The following MEF2A variants were observed in gnomAD, a reference collection of about 807,000 sequenced individuals.
The protein encoded by MEF2A is myocyte-specific enhancer factor 2A.
MEF2A carries 28 observed loss-of-function variants against 55.8 expected under a neutral mutation model. The observed-to-expected ratio is 0.50, with a 90% CI of 0.37 to 0.69. The LOEUF is 0.69. Among genes scored for constraint, MEF2A ranks in the 30% least tolerant of loss-of-function variants. The pLI is 0.00. For missense variants in MEF2A, 528 were observed against 626.2 expected, an observed-to-expected ratio of 0.84 and a Z score of 1.67; for synonymous variants, 239 against 227.1, an observed-to-expected ratio of 1.05 and a Z score of -0.47.
intron 7 of MEF2A, among the ~76,000 whole-genome samples, chr15:99,685,686 C>G (rs1344116027): frequency 6.6e-6 from 1 of 152,118 alleles, no homozygotes; most frequent in African/African-American, 2.4e-5. Flanking sequence ...GGTGTATTAT[C>G]TTTTGATATG....
chr15:99,609,971 A>G (rs888217968), intron 2 of MEF2A, among the ~76,000 whole-genome samples: 6 of 152,228 alleles, frequency 3.9e-5, no homozygotes, highest in African/African-American at 1.4e-4. Flanking sequence ...ATCTTTTAGC[A>G]AAGTAGACAG....
chr15:99,578,379 G>A (rs753923158), intron 1 of MEF2A, among the ~76,000 whole-genome samples: 6 of 152,136 alleles, frequency 3.9e-5, no homozygotes, highest in South Asian at 2.1e-4. Flanking sequence ...AGCTCTGTCC[G>A]GTTGGTTCCT....
At chr15:99,699,903 A>G (rs1416907473) in intron 8 of MEF2A, among the ~76,000 whole-genome samples, 1 of 150,876 alleles carries the variant, frequency 6.6e-6, no homozygotes, top group African/African-American at 2.4e-5. Context: ...GGGGTCTAGA[A>G]TGAGCCTGTG....
chr15:99,642,729 G>A (rs189108579), intron 3 of MEF2A, among the ~76,000 whole-genome samples: 3 of 152,084 alleles, frequency 2.0e-5, no homozygotes, highest in African/African-American at 7.2e-5. Flanking sequence ...TTATTTCATG[G>A]GCTTCTGATA....
At chr15:99,604,271 T>G (rs1251533888) in intron 2 of MEF2A, among the ~76,000 whole-genome samples, 2 of 152,192 alleles carry the variant, frequency 1.3e-5, no homozygotes, top group Admixed American at 6.5e-5. Context: ...TTGTTTCCCC[T>G]GTAATTTTAG....
At chr15:99,701,246 A>G (rs1033608905) in intron 8 of MEF2A, among the ~76,000 whole-genome samples, 3 of 152,242 alleles carry the variant, frequency 2.0e-5, no homozygotes, top group Non-Finnish European at 4.4e-5. Flanking sequence ...GTGCCTTCCA[A>G]TATGACATGC....
chr15:99,647,402 T>C (rs2046137845), intron 4 of MEF2A, among the ~76,000 whole-genome samples: 1 of 152,204 alleles, frequency 6.6e-6, no homozygotes, highest in Non-Finnish European at 1.5e-5. Flanking sequence ...GTATTCTAGC[T>C]AATTTCATTA....
intron 1 of MEF2A, among the ~76,000 whole-genome samples, chr15:99,573,179 G>T (rs1157089552): frequency 1.3e-5 from 2 of 151,680 alleles, no homozygotes; most frequent in Admixed American, 6.6e-5. Flanking sequence ...TCCCAGCTAT[G>T]CGGGAGGCTG....
At chr15:99,595,898 G>T (rs994649444) in intron 1 of MEF2A, among the ~76,000 whole-genome samples, 1 of 152,138 alleles carries the variant, frequency 6.6e-6, no homozygotes, top group Non-Finnish European at 1.5e-5. Flanking sequence ...ACGGGTAGTC[G>T]AGGGAGATAG....
intron 4 of MEF2A, among the ~76,000 whole-genome samples, chr15:99,668,894 G>A (rs1199254391): frequency 1.3e-5 from 2 of 152,206 alleles, no homozygotes; most frequent in African/African-American, 4.8e-5. Context: ...TCATGGTTTA[G>A]TGATAAGGAG....
chr15:99,570,664 G>A (rs944383553), intron 1 of MEF2A, among the ~76,000 whole-genome samples: 1 of 152,138 alleles, frequency 6.6e-6, no homozygotes, highest in African/African-American at 2.4e-5. Context: ...TAACTTTTGG[G>A]CTTAATAAAA....
At chr15:99,695,487 A>G (rs1464566828) in intron 8 of MEF2A, among the ~76,000 whole-genome samples, 1 of 151,850 alleles carries the variant, frequency 6.6e-6, no homozygotes, top group African/African-American at 2.4e-5. Context: ...ATCCAGTCAT[A>G]TAAGTAATCA....
intron 10 of MEF2A, among the ~76,000 whole-genome samples, chr15:99,708,234 A>T (rs762487828): frequency 4.6e-5 from 7 of 152,208 alleles, no homozygotes; most frequent in Non-Finnish European, 7.3e-5. Flanking sequence ...GTGGAGGGGA[A>T]GTCCTGAATT....
chr15:99,643,508 T>C (rs2045398990), intron 3 of MEF2A, among the ~76,000 whole-genome samples: 1 of 152,216 alleles, frequency 6.6e-6, no homozygotes, highest in Non-Finnish European at 1.5e-5. Context: ...TTTGTTTTTG[T>C]TTGTTCCCAA....
At chr15:99,575,982 G>A (rs1249871621) in intron 1 of MEF2A, among the ~76,000 whole-genome samples, 1 of 152,172 alleles carries the variant, frequency 6.6e-6, no homozygotes, top group African/African-American at 2.4e-5. Flanking sequence ...CCCATCATTT[G>A]TTGAGCACTT....
chr15:99,571,023 A>G (rs1346584693), intron 1 of MEF2A, among the ~76,000 whole-genome samples: 1 of 152,070 alleles, frequency 6.6e-6, no homozygotes. Flanking sequence ...CGTTTCCACT[A>G]AAAATACAAA....
At chr15:99,603,645 T>C (rs369933353) in intron 2 of MEF2A, among the ~76,000 whole-genome samples, 15 of 151,856 alleles carry the variant, frequency 9.9e-5, no homozygotes, top group African/African-American at 3.6e-4. Flanking sequence ...AAGTGATCTG[T>C]CTGCCTTAGC....
chr15:99,614,402 T>C (rs190100080), intron 2 of MEF2A, among the ~76,000 whole-genome samples: 1 of 152,306 alleles, frequency 6.6e-6, no homozygotes, highest in East Asian at 1.9e-4. Context: ...CAATAACTTA[T>C]AACTCCAAAA....
At chr15:99,694,504 C>G (rs2056104639) in intron 8 of MEF2A, among the ~76,000 whole-genome samples, 1 of 152,196 alleles carries the variant, frequency 6.6e-6, no homozygotes, top group Non-Finnish European at 1.5e-5. Context: ...TGTTGGTGCT[C>G]AACAGGTTTT....
Sources: gnomAD v4.1 joint callset for allele counts (sites outside exome capture counted in the v4.1 genomes callset) on GRCh38, gnomAD v4.1.1 for gene constraint, MANE v1.5 for transcripts, NCBI Gene and HGNC (gene_info 2026-07-23, HGNC 2026-07-21) for gene names.